COMMD10: variants seen among roughly 807,000 people sequenced by gnomAD.
The protein encoded by COMMD10 is COMM domain containing 10, also known as COMM domain-containing protein 10.
Under a neutral mutation model 28.9 loss-of-function variants are expected in COMMD10, and 33 were observed. The observed-to-expected ratio is 1.14, with a 90% CI of 0.87 to 1.53. COMMD10 has a LOEUF of 1.53. Ranked by LOEUF, COMMD10 falls within the 40% of genes most tolerant of loss-of-function variation. The probability of loss-of-function intolerance (pLI) is 0.00; values close to 1 mark genes in which losing one functional copy is unlikely to be tolerated. For missense variants in COMMD10, 310 were observed against 233.4 expected, an observed-to-expected ratio of 1.33 and a Z score of -2.14; for synonymous variants, 110 against 81.7, an observed-to-expected ratio of 1.35 and a Z score of -1.87.
chr5:116,251,068 G>A (rs1278533346), intron 5 of COMMD10, among the ~76,000 whole-genome samples: 1 of 151,902 alleles, frequency 6.6e-6, no homozygotes, highest in Non-Finnish European at 1.5e-5. Flanking sequence ...CATGTGCACA[G>A]AGCTCCTAGT....
intron 4 of COMMD10, among the ~76,000 whole-genome samples, chr5:116,128,992 C>T (rs1751760217): frequency 6.6e-6 from 1 of 151,802 alleles, no homozygotes; most frequent in Non-Finnish European, 1.5e-5. Context: ...TGAGGTTCTC[C>T]ACTGTATCAC....
chr5:116,129,100 G>T (rs999391979), intron 4 of COMMD10, among the ~76,000 whole-genome samples: 3 of 151,668 alleles, frequency 2.0e-5, no homozygotes, highest in Non-Finnish European at 4.4e-5. Context: ...CTTTGATTCA[G>T]TATCTACTGA....
intron 4 of COMMD10, among the ~76,000 whole-genome samples, chr5:116,132,434 T>C (rs576373165): frequency 6.6e-6 from 1 of 152,266 alleles, no homozygotes; most frequent in African/African-American, 2.4e-5. Flanking sequence ...TATAGGGTTC[T>C]TTTTAATTTG....
At chr5:116,145,571 A>G (rs1055144732) in intron 5 of COMMD10, among the ~76,000 whole-genome samples, 2 of 151,846 alleles carry the variant, frequency 1.3e-5, no homozygotes, top group African/African-American at 4.8e-5. Flanking sequence ...GAAACTATCT[A>G]GAAATATGCT....
At chr5:116,287,090 A>G (rs1190174264) in intron 5 of COMMD10, among the ~76,000 whole-genome samples, 2 of 151,804 alleles carry the variant, frequency 1.3e-5, no homozygotes, top group Non-Finnish European at 2.9e-5. Context: ...ATCTTTAAGC[A>G]AAACAATGTA....
intron 2 of COMMD10, among the ~76,000 whole-genome samples, chr5:116,090,552 T>C (rs1385337763): frequency 6.6e-6 from 1 of 152,226 alleles, no homozygotes; most frequent in East Asian, 1.9e-4. Context: ...ACAAAGCCTG[T>C]TGAGATAACA....
chr5:116,220,832 T>G (rs1397042823), intron 5 of COMMD10, among the ~76,000 whole-genome samples: 2 of 152,110 alleles, frequency 1.3e-5, no homozygotes, highest in Non-Finnish European at 2.9e-5. Flanking sequence ...GACCATCTTT[T>G]AAATGAAACC....
At chr5:116,281,732 C>T (rs958983996) in intron 5 of COMMD10, among the ~76,000 whole-genome samples, 7 of 151,798 alleles carry the variant, frequency 4.6e-5, no homozygotes, top group African/African-American at 1.2e-4. Context: ...CCTGTATACT[C>T]GTTTACTGAT....
chr5:116,288,065 G>A (rs771008677), intron 5 of COMMD10, among the ~76,000 whole-genome samples: 1 of 151,526 alleles, frequency 6.6e-6, no homozygotes, highest in Non-Finnish European at 1.5e-5. Context: ...TTTGCCTGCT[G>A]TCCTTTCATT....
intron 4 of COMMD10, among the ~76,000 whole-genome samples, chr5:116,114,892 C>T (rs987184892): frequency 5.3e-5 from 8 of 152,052 alleles, no homozygotes; most frequent in East Asian, 3.9e-4. Flanking sequence ...ACTGCTTTGG[C>T]GGCTCTTATT....
intron 5 of COMMD10, among the ~76,000 whole-genome samples, chr5:116,220,978 A>G (rs764278262): frequency 4.0e-5 from 6 of 151,824 alleles, no homozygotes; most frequent in Non-Finnish European, 8.8e-5. Flanking sequence ...TTTGGTGCCT[A>G]TTGTCCTACA....
intron 5 of COMMD10, among the ~76,000 whole-genome samples, chr5:116,241,908 C>T (rs1008613385): frequency 2.6e-5 from 4 of 152,120 alleles, no homozygotes; most frequent in Non-Finnish European, 4.4e-5. Flanking sequence ...TGAGCCACCA[C>T]GCCCAGCCAA....
chr5:116,120,854 C>G (rs1751405994), intron 4 of COMMD10, among the ~76,000 whole-genome samples: 1 of 151,174 alleles, frequency 6.6e-6, no homozygotes, highest in Admixed American at 6.6e-5. Context: ...TAGGTTTTGG[C>G]TATTATGAAT....
intron 4 of COMMD10, among the ~76,000 whole-genome samples, chr5:116,101,998 C>T (rs1750681025): frequency 6.6e-6 from 1 of 152,140 alleles, no homozygotes; most frequent in Admixed American, 6.5e-5. Context: ...TATTTTCTCC[C>T]ATTTTGCAGG....
At chr5:116,169,979 C>A (rs557805038) in intron 5 of COMMD10, among the ~76,000 whole-genome samples, 1 of 151,900 alleles carries the variant, frequency 6.6e-6, no homozygotes, top group Admixed American at 6.6e-5. Context: ...GTATGGGAAG[C>A]CCTGGCCAGG....
intron 5 of COMMD10, among the ~76,000 whole-genome samples, chr5:116,177,520 A>G (rs1360819039): frequency 8.3e-6 from 1 of 120,910 alleles, no homozygotes; most frequent in Non-Finnish European, 1.6e-5. Context: ...TAAAATGTCT[A>G]AGTGACCCCC....
chr5:116,220,716 A>G (rs960773900), intron 5 of COMMD10, among the ~76,000 whole-genome samples: 1 of 152,152 alleles, frequency 6.6e-6, no homozygotes, highest in Non-Finnish European at 1.5e-5. Context: ...TATGTTTCTA[A>G]ATTTGTGGCA....
At chr5:116,268,758 T>TG (rs1305726371) in intron 5 of COMMD10, among the ~76,000 whole-genome samples, 1 of 151,880 alleles carries the variant, frequency 6.6e-6, no homozygotes, top group Admixed American at 6.6e-5. Flanking sequence ...CATGGAATAC[T>TG]GTGCAGCCAT....
intron 5 of COMMD10, among the ~76,000 whole-genome samples, chr5:116,220,770 C>T (rs74373821): frequency 0.029 from 4,394 of 152,176 alleles, 106 homozygotes; most frequent in East Asian, 0.14. Context: ...ACAGCTTATA[C>T]CTATTACCCT....
Sources: allele counts gnomAD v4.1 joint callset (sites outside exome capture counted in the v4.1 genomes callset), GRCh38; gene constraint gnomAD v4.1.1; transcripts MANE v1.5; gene names NCBI Gene and HGNC (gene_info 2026-07-23, HGNC 2026-07-21).